ACTB: variants seen among roughly 807,000 people sequenced by gnomAD.
The protein encoded by ACTB is actin, cytoplasmic 1.
A neutral mutation model predicts 30.5 loss-of-function variants in ACTB; 2 were observed. That is an observed-to-expected ratio of 0.07 (90% CI 0.03 to 0.21). The LOEUF is 0.21. Ranked by LOEUF, ACTB falls within the 10% of genes least tolerant of loss-of-function variation. The probability of loss-of-function intolerance (pLI) is 1.00; values close to 1 mark genes in which losing one functional copy is unlikely to be tolerated. For synonymous variants in ACTB, 335 were observed against 217.6 expected (o/e 1.54, Z -4.75); for missense variants, 56 against 530.0 (o/e 0.11, Z 8.78).
chr7:5,529,693 C>T (rs1784842834), intron 1 of ACTB, 30 bp from the exon 2 acceptor site: 31 of 1,610,850 alleles, frequency 1.9e-5, no homozygotes, highest in Non-Finnish European at 2.6e-5. Context: ...CGCTGTGAGC[C>T]GAGGTCGCCC....
rs1263003433 is a variant in ACTB, at chr7:5,527,555, T to C, written c.*193A>G. 3 of 861,906 alleles carry C rather than the reference T, an allele frequency of 3.5e-6. No homozygotes were observed. Among genetic ancestry groups the C allele is most frequent in the East Asian group, 5.3e-5 (2 of 37,604 alleles). 53.4% of individuals were successfully genotyped at this position (861,906 alleles called of 1,614,324 possible). On this transcript the variant is annotated 3_prime_UTR_variant, in exon 6 of 6. Transcript: ENST00000646664. ...AAGTCCTCGGCCACATTGTGAACTT[T>C]GGGGGATGCTCGCTCCAACCGACTG...
intron 3 of ACTB, 81 bp from the exon 4 acceptor site, chr7:5,528,800 C>A: frequency 1.3e-6 from 2 of 1,535,676 alleles, no homozygotes; most frequent in Non-Finnish European, 1.8e-6. Context: ...GCAGAAAGTG[C>A]AAAGAACACG....
At chr7:5,529,125 G>A (rs991680762) in intron 3 of ACTB, 36 bp downstream of exon 3, 4 of 1,613,744 alleles carry the variant, frequency 2.5e-6, no homozygotes, top group East Asian at 2.2e-5. Flanking sequence ...CAGGAAGGAG[G>A]GAGGCGGCCA....
At position 5,527,538 on chromosome 7, in the gene ACTB, G is replaced by T; in HGVS notation, c.*210C>A. On this transcript the variant is annotated 3_prime_UTR_variant, in exon 6 of 6. Coordinates refer to ENST00000646664, the MANE Select transcript of ACTB (RefSeq NM_001101.5). ...ACAACAATGTGCAATCAAAGTCCTC[G>T]GCCACATTGTGAACTTTGGGGGATG... The T allele has an allele frequency of 4.0e-6, 3 of 743,292 alleles. No homozygotes were observed. Among genetic ancestry groups the T allele is most frequent in the South Asian group, 3.7e-5 (2 of 54,408 alleles). 46.0% of individuals were successfully genotyped at this position (743,292 alleles called of 1,614,324 possible).
chr7:5,529,429 G>A (rs747012856), intron 2 of ACTB, 29 bp from the exon 3 acceptor site: 23 of 1,613,618 alleles, frequency 1.4e-5, no homozygotes, highest in Admixed American at 6.7e-5. Flanking sequence ...GAAGCCCTGA[G>A]CACGGGCGCA....
Position 5,527,227 on chromosome 7 carries a change from C to T in ACTB, c.*521G>A, listed in dbSNP as rs1488446442. ...AGCCCTGGCTGCCTCCACCCACTCC[C>T]AGGGAGACCAAAAGCCTTCATACAT... On this transcript the variant is annotated 3_prime_UTR_variant, in exon 6 of 6. Transcript: ENST00000646664. The T allele has an allele frequency of 3.0e-5, 7 of 234,170 alleles. No homozygotes were observed. Among genetic ancestry groups the T allele is most frequent in the Non-Finnish European group, 5.1e-5 (6 of 117,202 alleles). 14.5% of individuals were successfully genotyped at this position (234,170 alleles called of 1,614,324 possible).
Position 5,528,154 on chromosome 7 carries a change from G to A in ACTB, c.834C>T (p.Thr278=). ...GMESCGIHET[T]FNSIMKCDVD... is the part of the protein sequence containing the mutation. ...CGTCACACTTCATGATGGAGTTGAAGGTAGTTTCGTGGATGCCACAGGACT... is the reference window on the plus strand; with the variant it reads ...CGTCACACTTCATGATGGAGTTGAAAGTAGTTTCGTGGATGCCACAGGACT... The change falls in exon 5 of 6, where the codon ACC becomes ACT. Residue 278 remains threonine (T), a synonymous_variant. Transcript: ENST00000646664. The A allele has an allele frequency of 6.2e-7, 1 of 1,614,230 alleles. No individual in the cohort carries two copies. The highest frequency in any genetic ancestry group is 8.5e-7 in the Non-Finnish European group (1 of 1,180,044).
At chr7:5,529,742 G>A in intron 1 of ACTB, 79 bp from the exon 2 acceptor site, 2 of 1,596,398 alleles carry the variant, frequency 1.3e-6, no homozygotes, top group African/African-American at 1.3e-5. Flanking sequence ...TCCTTAGGCC[G>A]CCAGGGGGCG....
At position 5,529,409 on chromosome 7, in the gene ACTB, G is replaced by T. The variant is rs377520149; in HGVS notation, c.124-9C>A. On this transcript the variant is annotated splice_polypyrimidine_tract_variant and intron_variant, in intron 2 of 5. Coordinates refer to ENST00000646664, the MANE Select transcript of ACTB (RefSeq NM_001101.5). ...ATGCCCACCATCACGCCCTGGGAAG[G>T]AAAGGACAAGAAGCCCTGAGCACGG... The T allele has an allele frequency of 1.2e-5, 19 of 1,613,908 alleles. No individual in the cohort carries two copies. Among genetic ancestry groups the T allele is most frequent in the Non-Finnish European group, 1.5e-5 (18 of 1,179,974 alleles).
chr7:5,529,865 C>T, intron 1 of ACTB: 2 of 869,456 alleles, frequency 2.3e-6, no homozygotes, highest in Non-Finnish European at 3.7e-6. Flanking sequence ...AGCCAGGCCC[C>T]AACCCCCTCC....
Position 5,527,386 on chromosome 7 carries a change from T to C in ACTB, c.*362A>G, listed in dbSNP as rs546534519. On this transcript the variant is annotated 3_prime_UTR_variant, in exon 6 of 6. Transcript: ENST00000646664. ...CATAATTTACACGAAAGCAATGCTATCACCTCCCCTGTGTGGACTTGGGAG... is the reference window on the plus strand; with the variant it reads ...CATAATTTACACGAAAGCAATGCTACCACCTCCCCTGTGTGGACTTGGGAG... 57 of 344,728 alleles carry C rather than the reference T, an allele frequency of 1.7e-4. No individual in the cohort carries two copies. The highest frequency in any genetic ancestry group is 2.3e-4 in the Non-Finnish European group (43 of 184,290). The allele number at this position is 344,728 out of a possible 1,614,324, so 21.4% of individuals were successfully genotyped here. A position where few individuals can be genotyped will look rare whatever the true frequency, so the allele number is the denominator to read the frequency against.
rs199989641 is a variant in ACTB at position 5,529,441 on chromosome 7, C to A, written c.124-41G>T. The A allele has an allele frequency of 1.1e-5, 18 of 1,613,596 alleles. No homozygotes were observed. The East Asian group carries it at 3.8e-4, about 34-fold the overall frequency. Reference sequence around the variant, plus strand: ...CAAGAAGCCCTGAGCACGGGCGCAGCCCCCACCCCGGAAACCGGGAGGCTC... The same window carrying A: ...CAAGAAGCCCTGAGCACGGGCGCAGACCCCACCCCGGAAACCGGGAGGCTC... On this transcript the variant is annotated intron_variant, in intron 2 of 5. Transcript: ENST00000646664.
Position 5,527,274 on chromosome 7 carries a change from G to C in ACTB, c.*474C>G. On this transcript the variant is annotated 3_prime_UTR_variant, in exon 6 of 6. Coordinates refer to ENST00000646664, the MANE Select transcript of ACTB (RefSeq NM_001101.5). ...ACATCTCAAGTTGGGGGACAAAAAA[G>C]GGGGAAGGGGGGGCACGAAGGCTCA... 8.2e-6 allele frequency: 2 copies of C among 244,534 alleles called. No individual in the cohort carries two copies. Among genetic ancestry groups the C allele is most frequent in the South Asian group, 8.5e-5 (2 of 23,540 alleles). The allele number at this position is 244,534 out of a possible 1,614,324, so 15.1% of individuals were successfully genotyped here.
intron 3 of ACTB, 190 bp downstream of exon 3, chr7:5,528,971 G>A (rs1355844011): frequency 4.1e-5 from 64 of 1,566,450 alleles, no homozygotes; most frequent in Non-Finnish European, 5.1e-5. Flanking sequence ...CCTAGTCAGA[G>A]AGACAAACAC....
chr7:5,529,134 C>G, intron 3 of ACTB, 27 bp downstream of exon 3: 1 of 1,613,828 alleles, frequency 6.2e-7, no homozygotes. Context: ...GGGAGGCGGC[C>G]ACCAGAAGAG....
chr7:5,528,990 G>C, intron 3 of ACTB, 171 bp downstream of exon 3: 2 of 1,590,912 alleles, frequency 1.3e-6, no homozygotes, highest in Non-Finnish European at 1.7e-6. Flanking sequence ...ACCAGAAAAA[G>C]AGCTCATCTG....
intron 1 of ACTB, 50 bp downstream of exon 1, chr7:5,530,474 C>CA (rs1491442404): frequency 3.0e-5 from 4 of 135,262 alleles, no homozygotes; most frequent in African/African-American, 1.2e-4. Flanking sequence ...GCCGCGGCCG[C>CA]CTGCGGCCGG....
At chr7:5,528,994 T>A (rs1784823945) in intron 3 of ACTB, 167 bp downstream of exon 3, 1 of 1,595,264 alleles carries the variant, frequency 6.3e-7, no homozygotes, top group African/African-American at 1.3e-5. Flanking sequence ...GAAAAAGAGC[T>A]CATCTGGGAA....
In ACTB at chr7:5,527,362, A is replaced by T. The variant is rs548986521; in HGVS notation, c.*386T>A. Reference sequence around the variant, plus strand: ...GAAGATTAAAAAAATTTTGCATTACATAATTTACACGAAAGCAATGCTATC... The same window carrying T: ...GAAGATTAAAAAAATTTTGCATTACTTAATTTACACGAAAGCAATGCTATC... On this transcript the variant is annotated 3_prime_UTR_variant, in exon 6 of 6. Transcript: ENST00000646664. 14 of 285,964 alleles carry T rather than the reference A, an allele frequency of 4.9e-5. No individual in the cohort carries two copies. Among genetic ancestry groups the T allele is most frequent in the African/African-American group, 2.9e-4 (13 of 44,560 alleles). 17.7% of individuals were successfully genotyped at this position (285,964 alleles called of 1,614,324 possible).
Sources: allele counts gnomAD v4.1 joint callset, GRCh38; gene constraint gnomAD v4.1.1; transcripts MANE v1.5; gene names NCBI Gene and HGNC (gene_info 2026-07-23, HGNC 2026-07-21).